The following ZYG11B variants were observed in gnomAD, a reference collection of about 807,000 sequenced individuals.
The protein encoded by ZYG11B is protein zyg-11 homolog B.
In ZYG11B, 36 loss-of-function variants were observed where a neutral mutation model predicts 82.4. That is an observed-to-expected ratio of 0.44 (90% CI 0.33 to 0.58). The LOEUF (loss-of-function observed/expected upper bound fraction) is 0.58, where lower values mean the gene tolerates loss of function less well. Among genes scored for constraint, ZYG11B ranks in the 20% least tolerant of loss-of-function variants. The pLI is 0.02. For synonymous variants in ZYG11B, 303 were observed against 312.8 expected (o/e 0.97, Z 0.33); for missense variants, 552 against 895.6 (o/e 0.62, Z 4.90).
chr1:52,821,772 C>A lies in ZYG11B; in HGVS notation c.*143C>A. 1 of 608,318 alleles carries A rather than the reference C, an allele frequency of 1.6e-6. No individual in the cohort carries two copies. Among genetic ancestry groups the A allele is most frequent in the Non-Finnish European group, 2.7e-6 (1 of 371,628 alleles). The allele number at this position is 608,318 out of a possible 1,614,324, so 37.7% of individuals were successfully genotyped here. ...TTGGGATTGATAATGTGTAGTACTG[C>A]CCATGTGAACAGTCTCTAATTTGTC... On this transcript the variant is annotated 3_prime_UTR_variant, in exon 14 of 14. Transcript: ENST00000294353.
rs1644701765 is a variant in ZYG11B at position 52,767,188 on chromosome 1, GTTATTTTATTTTATTTTGTTATT to G, written c.197-3827_197-3805del. On this transcript the variant is annotated intron_variant, in intron 2 of 13. Transcript: ENST00000294353. Reference sequence around the variant, plus strand: ...ATGTTATGTTATTTTGTTACGTTATGTTATTTTATTTTATTTTGTTATTTTATGTTATTTTATTTTGTTATTTT... The same window carrying G: ...ATGTTATGTTATTTTGTTACGTTATGTTATGTTATTTTATTTTGTTATTTT... Among the ~76,000 whole-genome samples, 3 of 146,512 alleles carry G rather than the reference GTTATTTTATTTTATTTTGTTATT, an allele frequency of 2.0e-5. No homozygotes were observed. In the South Asian group the frequency reaches 6.5e-4, roughly 32 times the overall value.
chr1:52,783,343 T>C (rs1027878027), intron 4 of ZYG11B, among the ~76,000 whole-genome samples: 4 of 152,156 alleles, frequency 2.6e-5, no homozygotes, highest in African/African-American at 9.7e-5. Context: ...AGGAAAAATA[T>C]ATCTTGTTTG....
At chr1:52,791,179 G>A (rs1644956179) in intron 6 of ZYG11B, among the ~76,000 whole-genome samples, 2 of 151,784 alleles carry the variant, frequency 1.3e-5, no homozygotes, top group Admixed American at 6.6e-5. Context: ...CACCACGTTG[G>A]CCATGCAGGT....
At chr1:52,785,277 A>G (rs1043850239) in intron 5 of ZYG11B, among the ~76,000 whole-genome samples, 4 of 152,138 alleles carry the variant, frequency 2.6e-5, no homozygotes, top group Non-Finnish European at 5.9e-5. Context: ...TACAAAACTC[A>G]TCTTCCTCCT....
rs184936407 is a variant in ZYG11B, at chr1:52,802,542, G to T, written c.1695+403G>T. On this transcript the variant is annotated intron_variant, in intron 10 of 13. Transcript: ENST00000294353. Reference sequence around the variant, plus strand: ...ATTTTTGTATTTTTTGTAGAGATGGGGTTTTGCCATGTTGCCCAGGATGGT... The same window carrying T: ...ATTTTTGTATTTTTTGTAGAGATGGTGTTTTGCCATGTTGCCCAGGATGGT... Among the ~76,000 whole-genome samples the T allele has an allele frequency of 5.2e-3, 785 of 151,190 alleles. 6 individuals carry two copies. The highest frequency in any genetic ancestry group is 8.9e-3 in the Non-Finnish European group (603 of 67,812).
At position 52,825,748 on chromosome 1, in the gene ZYG11B, A is replaced by C. The variant is rs947685461; in HGVS notation, c.*4119A>C. On this transcript the variant is annotated 3_prime_UTR_variant, in exon 14 of 14. Transcript: ENST00000294353. ...ACTCCTGGCCTCAAGTGACTTTCCC[A>C]CCTCAGCTTCCCAAAGTGCTGGAAT... 6.7e-6 allele frequency: 1 copy of C among 149,894 alleles called. No homozygotes were observed. Among genetic ancestry groups the C allele is most frequent in the African/African-American group, 2.5e-5 (1 of 40,626 alleles). 9.3% of individuals were successfully genotyped at this position (149,894 alleles called of 1,614,324 possible). A position where few individuals can be genotyped will look rare whatever the true frequency, so the allele number is the denominator to read the frequency against.
chr1:52,804,924 T>C (rs1047729606), intron 10 of ZYG11B, among the ~76,000 whole-genome samples: 3 of 151,836 alleles, frequency 2.0e-5, no homozygotes, highest in Admixed American at 2.0e-4. Context: ...AAGTCTCGTT[T>C]CTACTAAAAA....
Position 52,821,576 on chromosome 1 carries a change from C to T in ZYG11B, c.2182C>T (p.Arg728Cys), listed in dbSNP as rs780976980. 10 of 1,613,854 alleles carry T rather than the reference C, an allele frequency of 6.2e-6. No homozygotes were observed. In the Admixed American group the frequency reaches 8.3e-5, roughly 13 times the overall value. ...ILDSLEKHIV[R>C]HGRPPPCKKQ... ...GGATAGCTTAGAAAAACACATTGTG[C>T]GCCATGGGAGGCCACCTCCCTGTAA... Residue 728 changes from arginine (R) to cysteine (C), a missense_variant, in exon 14 of 14, where the codon CGC becomes TGC. Arg to Cys is a radical substitution (Grantham distance 180). Transcript: ENST00000294353.
intron 1 of ZYG11B, among the ~76,000 whole-genome samples, chr1:52,752,845 A>AT (rs35055967): frequency 0.56 from 83,611 of 149,914 alleles, 24,881 homozygotes; most frequent in East Asian, 0.97. Context: ...AATTCGGACC[A>AT]TTTTTTTTTT....
rs1645314750 is a variant in ZYG11B, at chr1:52,825,248, AAC to A, written c.*3620_*3621del. ...TTTTTTCTTTTTGCAGTTGAAAATT[AAC>A]TGCATTATTAACTAATTAATAAAAT... On this transcript the variant is annotated 3_prime_UTR_variant, in exon 14 of 14. Transcript: ENST00000294353. 2 of 152,286 alleles carry A rather than the reference AAC, an allele frequency of 1.3e-5. No individual in the cohort carries two copies. Among genetic ancestry groups the A allele is most frequent in the South Asian group, 4.1e-4 (2 of 4,824 alleles). 9.4% of individuals were successfully genotyped at this position (152,286 alleles called of 1,614,324 possible). A position where few individuals can be genotyped will look rare whatever the true frequency, so the allele number is the denominator to read the frequency against.
intron 6 of ZYG11B, among the ~76,000 whole-genome samples, chr1:52,793,998 T>C (rs536681894): frequency 2.0e-5 from 3 of 151,776 alleles, no homozygotes; most frequent in South Asian, 4.2e-4. Flanking sequence ...TTTTTTGAGA[T>C]GGAGTCTCAC....
chr1:52,800,283 A>C (rs1432104351), intron 8 of ZYG11B, among the ~76,000 whole-genome samples: 1 of 151,860 alleles, frequency 6.6e-6, no homozygotes, highest in Non-Finnish European at 1.5e-5. Context: ...GTCAAAAAAA[A>C]AAAAAGAAAA....
intron 13 of ZYG11B, among the ~76,000 whole-genome samples, chr1:52,818,332 C>T (rs1645252679): frequency 6.6e-6 from 1 of 151,818 alleles, no homozygotes; most frequent in Non-Finnish European, 1.5e-5. Flanking sequence ...AGAAATTAGC[C>T]AGGTGTTGTG....
At chr1:52,743,224 A>G (rs1314854722) in intron 1 of ZYG11B, among the ~76,000 whole-genome samples, 1 of 151,500 alleles carries the variant, frequency 6.6e-6, no homozygotes, top group East Asian at 1.9e-4. Context: ...AGTCATCACC[A>G]CTCCCTAATC....
intron 5 of ZYG11B, among the ~76,000 whole-genome samples, chr1:52,788,453 A>G (rs1267411236): frequency 2.6e-5 from 4 of 152,214 alleles, no homozygotes; most frequent in Non-Finnish European, 4.4e-5. Flanking sequence ...AAGTCAGACT[A>G]TGTGCACCTG....
intron 3 of ZYG11B, among the ~76,000 whole-genome samples, chr1:52,779,166 A>G (rs891431091): frequency 2.6e-5 from 4 of 152,324 alleles, no homozygotes; most frequent in South Asian, 4.1e-4. Flanking sequence ...TTTGCTGAGA[A>G]AAAGCTTGAC....
chr1:52,733,104 T>C (rs1265319970), intron 1 of ZYG11B, among the ~76,000 whole-genome samples: 3 of 152,182 alleles, frequency 2.0e-5, no homozygotes, highest in African/African-American at 4.8e-5. Flanking sequence ...AAGCCTCAGC[T>C]AGTTCTCTGT....
At chr1:52,797,001 ATAT>A (rs1417092109) in intron 8 of ZYG11B, among the ~76,000 whole-genome samples, 1 of 52,124 alleles carries the variant, frequency 1.9e-5, no homozygotes, top group Non-Finnish European at 3.4e-5. Context: ...TTATATAAAT[ATAT>A]TATATATTTA....
At chr1:52,763,142 C>T (rs1644649153) in intron 2 of ZYG11B, among the ~76,000 whole-genome samples, 2 of 152,018 alleles carry the variant, frequency 1.3e-5, no homozygotes. Flanking sequence ...TCTTCTGTTT[C>T]TGTGTGGTCT....
Sources: allele counts gnomAD v4.1 joint callset (sites outside exome capture counted in the v4.1 genomes callset), GRCh38; gene constraint gnomAD v4.1.1; transcripts MANE v1.5; gene names NCBI Gene and HGNC (gene_info 2026-07-23, HGNC 2026-07-21).